CEP192: variants seen among roughly 807,000 people sequenced by gnomAD.
CEP192 encodes centrosomal protein of 192 kDa.
Under a neutral mutation model 271.8 loss-of-function variants are expected in CEP192, and 151 were observed. The ratio of observed to expected loss-of-function variants is 0.56; its 90% CI spans 0.49 to 0.64. CEP192 has a LOEUF of 0.64. Ranked by LOEUF, CEP192 falls within the 30% of genes least tolerant of loss-of-function variation. The pLI, the probability that CEP192 is intolerant of heterozygous loss-of-function variation, is 0.00. For missense variants in CEP192, 2,910 were observed against 3,020.5 expected, an observed-to-expected ratio of 0.96 and a Z score of 0.86; for synonymous variants, 995 against 1,076.5, an observed-to-expected ratio of 0.92 and a Z score of 1.48.
rs1174801733 is a variant in CEP192 at position 13,056,280 on chromosome 18, C to A, written c.3690C>A (p.Ser1230Arg). The A allele has an allele frequency of 2.5e-6, 4 of 1,613,678 alleles. No homozygotes were observed. The highest frequency in any genetic ancestry group is 3.4e-6 in the Non-Finnish European group (4 of 1,179,782). ...TSENQCTPIP[S>R]STVHSSVADM... The stretch of plus-strand genomic sequence containing the variant: ...AAAACCAGTGTACTCCTATTCCCAG[C>A]AGCACAGTTCACAGCTCTGTGGCTG... The change falls in exon 19 of 45, where the codon AGC becomes AGA. Residue 1230 changes from serine (S) to arginine (R), a missense_variant. Transcript: ENST00000506447.
intron 34 of CEP192, among the ~76,000 whole-genome samples, chr18:13,093,377 C>G (rs1014262276): frequency 2.0e-5 from 3 of 152,216 alleles, no homozygotes; most frequent in African/African-American, 7.2e-5. Context: ...GGAGTGTAAT[C>G]TAACATCACA....
At chr18:13,077,105 A>G (rs1030952772) in intron 30 of CEP192, among the ~76,000 whole-genome samples, 1 of 152,202 alleles carries the variant, frequency 6.6e-6, no homozygotes, top group African/African-American at 2.4e-5. Context: ...TACTTGTACT[A>G]AAAGTCAAGA....
At chr18:13,093,046 C>T (rs1034370700) in intron 34 of CEP192, among the ~76,000 whole-genome samples, 1 of 152,078 alleles carries the variant, frequency 6.6e-6, no homozygotes, top group Non-Finnish European at 1.5e-5. Flanking sequence ...GTAGTCCCAG[C>T]TACTGGGGAG....
chr18:13,057,722 A>T lies in CEP192; in HGVS notation c.4246A>T (p.Asn1416Tyr). Residue 1416 changes from asparagine (N) to tyrosine (Y), a missense_variant, in exon 20 of 45, where the codon AAT (asparagine) becomes TAT (tyrosine). Coordinates refer to ENST00000506447, the MANE Select transcript of CEP192 (RefSeq NM_032142.4). ...VSIGVLSISV[N>Y]GEKVDLSTYR... ...CATTGGGGTCCTCAGCATTAGTGTT[A>T]ATGGTGAAAAGGTAGCTTTCTATGT... 1 of 1,613,224 alleles carries T rather than the reference A, an allele frequency of 6.2e-7. No homozygotes were observed. Among genetic ancestry groups the T allele is most frequent in the Non-Finnish European group, 8.5e-7 (1 of 1,179,542 alleles).
chr18:13,001,452 T>C lies in CEP192; in HGVS notation c.165-5T>C. ...TAACAATTAAAACAAATTTTTTTTG[T>C]ATAGGTATCCTGATATCCAGGCATC... On this transcript the variant is annotated splice_polypyrimidine_tract_variant and splice_region_variant and intron_variant, in intron 2 of 44. Transcript: ENST00000506447. The C allele has an allele frequency of 6.5e-7, 1 of 1,528,842 alleles. No individual in the cohort carries two copies. Among genetic ancestry groups the C allele is most frequent in the Middle Eastern group, 1.8e-4 (1 of 5,610 alleles). The allele number at this position is 1,528,842 out of a possible 1,614,324, so 94.7% of individuals were successfully genotyped here. A position where few individuals can be genotyped will look rare whatever the true frequency, so the allele number is the denominator to read the frequency against.
At chr18:13,116,345 A>G in intron 42 of CEP192, 32 bp from the exon 43 acceptor site, 1 of 1,600,004 alleles carries the variant, frequency 6.2e-7, no homozygotes, top group Non-Finnish European at 8.5e-7. Context: ...TGGATTTCAG[A>G]TTCTTAACTT....
At chr18:13,023,127 GT>G (rs2035086422) in intron 9 of CEP192, among the ~76,000 whole-genome samples, 1 of 152,138 alleles carries the variant, frequency 6.6e-6, no homozygotes, top group Non-Finnish European at 1.5e-5. Flanking sequence ...AACAAAGACA[GT>G]TTTTATTTCT....
chr18:13,072,707 C>G (rs1343923851), intron 28 of CEP192, 48 bp from the exon 29 acceptor site: 1 of 1,232,006 alleles, frequency 8.1e-7, no homozygotes, highest in Non-Finnish European at 1.2e-6. Context: ...ATAATGGTAG[C>G]AATATCCATG....
chr18:13,029,623 A>G (rs764796817), intron 9 of CEP192, 40 bp from the exon 10 acceptor site: 3 of 1,206,936 alleles, frequency 2.5e-6, no homozygotes, highest in South Asian at 3.4e-5. Context: ...AACAAGACTT[A>G]CTGTTGCTCT....
intron 9 of CEP192, 101 bp downstream of exon 9, chr18:13,019,307 A>G (rs1210170409): frequency 3.0e-6 from 3 of 1,005,680 alleles, no homozygotes; most frequent in Non-Finnish European, 4.0e-6. Flanking sequence ...GTAACTGTTG[A>G]CTTCTGAAAA....
chr18:13,012,609 G>A (rs917637005), intron 4 of CEP192, among the ~76,000 whole-genome samples: 5 of 152,170 alleles, frequency 3.3e-5, no homozygotes, highest in African/African-American at 4.8e-5. Flanking sequence ...TCGTGTGTCA[G>A]TGCCTTGTTG....
chr18:13,066,031 A>T (rs569139736), intron 21 of CEP192, among the ~76,000 whole-genome samples: 2 of 152,340 alleles, frequency 1.3e-5, no homozygotes, highest in East Asian at 3.9e-4. Flanking sequence ...TCAAAATGCC[A>T]TGTTACCGTC....
chr18:13,002,097 G>GA (rs1309554099), intron 3 of CEP192, among the ~76,000 whole-genome samples: 1 of 151,962 alleles, frequency 6.6e-6, no homozygotes, highest in East Asian at 1.9e-4. Flanking sequence ...ACGTGCTTTT[G>GA]AAAAAATAGA....
Position 13,055,805 on chromosome 18 carries a change from C to T in CEP192, c.3215C>T (p.Thr1072Ile), listed in dbSNP as rs1399793792. The T allele has an allele frequency of 1.3e-6, 2 of 1,580,746 alleles. No homozygotes were observed. Among genetic ancestry groups the T allele is most frequent in the Admixed American group, 1.8e-5 (1 of 54,204 alleles). The change falls in exon 19 of 45, where the codon ACC becomes ATC. Residue 1072 changes from threonine to isoleucine, a missense_variant. Coordinates refer to ENST00000506447, the MANE Select transcript of CEP192 (RefSeq NM_032142.4). ...RKSDITSELS[T>I]TIIQGSPAAL... ...AGTGATATCACCAGCGAGTTGAGTA[C>T]CACAATTATTCAAGGCAGTCCAGCC...
Position 13,056,119 on chromosome 18 carries a change from T to A in CEP192, c.3529T>A (p.Cys1177Ser). The A allele has an allele frequency of 1.2e-6, 2 of 1,613,202 alleles. No individual in the cohort carries two copies. The highest frequency in any genetic ancestry group is 2.2e-5 in the South Asian group (2 of 90,918). ...TCTCCTGGGCAAGTCAGGTCTGAGC[T>A]GTCAGGTGGGGTCAGCCACATCACA... ...LALLGKSGLS[C>S]QVGSATSHPV... The change falls in exon 19 of 45, where the codon TGT becomes AGT. Residue 1177 changes from cysteine (C) to serine (S), a missense_variant. Physicochemically the swap from Cys to Ser is moderately radical, Grantham distance 112 (BLOSUM62 -1). Transcript: ENST00000506447.
intron 38 of CEP192, 32 bp from the exon 39 acceptor site, chr18:13,103,477 A>C (rs772154638): frequency 1.9e-6 from 3 of 1,565,652 alleles, no homozygotes; most frequent in African/African-American, 1.4e-5. Context: ...AGTCTCTCCG[A>C]GTTTGAGTTA....
chr18:13,098,916 G>A (rs1449393118), intron 36 of CEP192, among the ~76,000 whole-genome samples: 2 of 152,178 alleles, frequency 1.3e-5, no homozygotes, highest in South Asian at 2.1e-4. Flanking sequence ...ACGAGACTCC[G>A]TCTACAATCC....
intron 2 of CEP192, among the ~76,000 whole-genome samples, chr18:13,000,700 A>G (rs1279831317): frequency 6.6e-6 from 1 of 152,224 alleles, no homozygotes; most frequent in Non-Finnish European, 1.5e-5. Flanking sequence ...CATGCCTGTA[A>G]TCCCAGCACT....
intron 27 of CEP192, among the ~76,000 whole-genome samples, chr18:13,070,482 T>C (rs903367774): frequency 5.3e-5 from 8 of 152,232 alleles, no homozygotes; most frequent in Non-Finnish European, 1.0e-4. Flanking sequence ...TATTAAGATA[T>C]CTTTCTCCAT....
Sources: allele counts gnomAD v4.1 joint callset (sites outside exome capture counted in the v4.1 genomes callset), GRCh38; gene constraint gnomAD v4.1.1; transcripts MANE v1.5; gene names NCBI Gene and HGNC (gene_info 2026-07-23, HGNC 2026-07-21).